Variants in BBOX1 observed in about 807,000 individuals in gnomAD.
The protein encoded by BBOX1 is gamma-butyrobetaine hydroxylase 1, also known as gamma-butyrobetaine dioxygenase.
A neutral mutation model predicts 41.6 loss-of-function variants in BBOX1; 35 were observed. That is an observed-to-expected ratio of 0.84 (90% CI 0.64 to 1.11). The LOEUF (loss-of-function observed/expected upper bound fraction) is 1.11, where lower values mean the gene tolerates loss of function less well. Among genes scored for constraint, BBOX1 ranks in the 50% most tolerant of loss-of-function variants. The probability of loss-of-function intolerance (pLI) is 0.00; values close to 1 mark genes in which losing one functional copy is unlikely to be tolerated. For missense variants in BBOX1, 458 were observed against 460.6 expected, an observed-to-expected ratio of 0.99 and a Z score of 0.05; for synonymous variants, 163 against 154.7, an observed-to-expected ratio of 1.05 and a Z score of -0.40.
chr11:27,053,411 G>C (rs1856875795), intron 2 of BBOX1, among the ~76,000 whole-genome samples: 1 of 152,200 alleles, frequency 6.6e-6, no homozygotes, highest in South Asian at 2.1e-4. Flanking sequence ...ACTAAGAATA[G>C]TTGATACATT....
intron 2 of BBOX1, among the ~76,000 whole-genome samples, chr11:27,055,062 A>G (rs1368074267): frequency 2.6e-5 from 4 of 152,300 alleles, no homozygotes; most frequent in African/African-American, 4.8e-5. Context: ...TAAACATTCC[A>G]GAGCTTTTAT....
At chr11:27,071,960 T>C (rs936588577) in intron 4 of BBOX1, among the ~76,000 whole-genome samples, 3 of 152,082 alleles carry the variant, frequency 2.0e-5, no homozygotes, top group African/African-American at 7.2e-5. Context: ...CCACAGCCAA[T>C]ATCATACTGA....
chr11:27,122,369 G>A (rs372483319), intron 7 of BBOX1, among the ~76,000 whole-genome samples: 48 of 152,058 alleles, frequency 3.2e-4, no homozygotes, highest in South Asian at 2.5e-3. Flanking sequence ...TTAAAAAAAC[G>A]AAAACAAAAA....
At chr11:27,074,289 C>T (rs557042481) in intron 4 of BBOX1, among the ~76,000 whole-genome samples, 1 of 151,914 alleles carries the variant, frequency 6.6e-6, no homozygotes, top group Non-Finnish European at 1.5e-5. Context: ...TGCACTAATA[C>T]AGAAAATTGG....
At chr11:27,059,768 C>T (rs1857085274) in intron 4 of BBOX1, among the ~76,000 whole-genome samples, 2 of 152,160 alleles carry the variant, frequency 1.3e-5, no homozygotes, top group Non-Finnish European at 2.9e-5. Flanking sequence ...TTAGTGACTG[C>T]CCTGCTGGGT....
At chr11:27,119,270 G>A (rs183420785) in intron 6 of BBOX1, among the ~76,000 whole-genome samples, 1 of 151,744 alleles carries the variant, frequency 6.6e-6, no homozygotes, top group Non-Finnish European at 1.5e-5. Flanking sequence ...TAACTTACCC[G>A]CCTCTTCCCC....
chr11:27,082,114 G>T (rs1296720467), intron 4 of BBOX1, among the ~76,000 whole-genome samples: 5 of 152,058 alleles, frequency 3.3e-5, no homozygotes, highest in African/African-American at 1.2e-4. Flanking sequence ...CAAGTGGATG[G>T]TGCTAAACCA....
chr11:27,057,242 G>A lies in BBOX1; in HGVS notation c.261G>A (p.Gln87=). The A allele has an allele frequency of 6.2e-7, 1 of 1,612,144 alleles. No individual in the cohort carries two copies. The highest frequency in any genetic ancestry group is 8.5e-7 in the Non-Finnish European group (1 of 1,179,586). ...CCGATGAGCATTACAGTGAATTCCAGGCTGATTGGCTGAAGAAAAGATGCT... is the reference window on the plus strand; with the variant it reads ...CCGATGAGCATTACAGTGAATTCCAAGCTGATTGGCTGAAGAAAAGATGCT... ...TWPDEHYSEF[Q]ADWLKKRCFS... The change falls in exon 4 of 9, where the codon CAG becomes CAA. Residue 87 remains glutamine (Q), a synonymous_variant. Coordinates refer to ENST00000263182, the MANE Select transcript of BBOX1 (RefSeq NM_003986.3).
At chr11:27,090,208 G>A (rs1035247014) in intron 4 of BBOX1, among the ~76,000 whole-genome samples, 7 of 151,984 alleles carry the variant, frequency 4.6e-5, no homozygotes, top group South Asian at 2.1e-4. Context: ...ACCTATTGGG[G>A]GAAACTGCCC....
intron 4 of BBOX1, among the ~76,000 whole-genome samples, chr11:27,071,374 T>C (rs1301446652): frequency 6.7e-6 from 1 of 148,322 alleles, no homozygotes; most frequent in Non-Finnish European, 1.5e-5. Context: ...AGAGCAAGAC[T>C]CCATCTCAAA....
intron 2 of BBOX1, among the ~76,000 whole-genome samples, chr11:27,045,945 A>T (rs548563773): frequency 1.5e-4 from 23 of 152,298 alleles, no homozygotes; most frequent in African/African-American, 4.6e-4. Flanking sequence ...TGTTTGAAGA[A>T]CTTTTGCAAT....
intron 4 of BBOX1, among the ~76,000 whole-genome samples, chr11:27,057,743 T>C (rs1170895116): frequency 6.6e-6 from 1 of 152,028 alleles, no homozygotes; most frequent in East Asian, 1.9e-4. Context: ...ATGGGATTGA[T>C]GAACCCATGA....
chr11:27,079,093 CT>C (rs1857741460), intron 4 of BBOX1, among the ~76,000 whole-genome samples: 1 of 152,100 alleles, frequency 6.6e-6, no homozygotes, highest in Non-Finnish European at 1.5e-5. Context: ...CTTATAATAT[CT>C]TATGTTTGAG....
intron 8 of BBOX1, 139 bp from the exon 9 acceptor site, chr11:27,127,154 T>C: frequency 2.1e-6 from 2 of 939,024 alleles, no homozygotes; most frequent in South Asian, 1.6e-5. Flanking sequence ...GAAAAGTAAA[T>C]GTGCAGTTTC....
In BBOX1 at chr11:27,106,572, C is replaced by A. The variant is rs192958347; in HGVS notation, c.534-8880C>A. Among the ~76,000 whole-genome samples the A allele has an allele frequency of 3.3e-5, 5 of 152,212 alleles. No individual in the cohort carries two copies. In the East Asian group the frequency reaches 9.6e-4, roughly 29 times the overall value. On this transcript the variant is annotated intron_variant, in intron 5 of 8. Coordinates refer to ENST00000263182, the MANE Select transcript of BBOX1 (RefSeq NM_003986.3). ...TATATATGTACCCAATACAGGAGCA[C>A]CCAGATTCATAAAGCAAGTCCTTAG...
At chr11:27,092,133 G>T (rs1858268263) in intron 4 of BBOX1, among the ~76,000 whole-genome samples, 1 of 151,940 alleles carries the variant, frequency 6.6e-6, no homozygotes, top group Admixed American at 6.6e-5. Flanking sequence ...CATCAAAGAA[G>T]CAATGGTTTC....
rs866789840 is a variant in BBOX1, at chr11:27,122,422, T to C, written c.836+2577T>C. ...TGAAGTAGGAATTGCAGAGTTAATA[T>C]ATGGAAGCCCCTACTATTGTGCCTA... On this transcript the variant is annotated intron_variant, in intron 7 of 8. Coordinates refer to ENST00000263182, the MANE Select transcript of BBOX1 (RefSeq NM_003986.3). Among the ~76,000 whole-genome samples the C allele has an allele frequency of 2.6e-5, 4 of 152,246 alleles. No individual in the cohort carries two copies. The South Asian group carries it at 6.2e-4, about 24-fold the overall frequency.
chr11:27,086,504 G>A (rs564575409), intron 4 of BBOX1, among the ~76,000 whole-genome samples: 1 of 152,214 alleles, frequency 6.6e-6, no homozygotes, highest in East Asian at 1.9e-4. Flanking sequence ...AATAGCTGTT[G>A]AGACTCACTG....
At chr11:27,072,347 A>G (rs1030296106) in intron 4 of BBOX1, among the ~76,000 whole-genome samples, 2 of 152,188 alleles carry the variant, frequency 1.3e-5, no homozygotes, top group African/African-American at 4.8e-5. Context: ...TAAAATACCT[A>G]GGAATCCAAC....
Sources: allele counts gnomAD v4.1 joint callset (sites outside exome capture counted in the v4.1 genomes callset), GRCh38; gene constraint gnomAD v4.1.1; transcripts MANE v1.5; gene names NCBI Gene and HGNC (gene_info 2026-07-23, HGNC 2026-07-21).